ITK: variants seen among roughly 807,000 people sequenced by gnomAD.
ITK encodes the protein tyrosine-protein kinase ITK/TSK.
ITK carries 45 observed loss-of-function variants against 87.6 expected under a neutral mutation model. The ratio of observed to expected loss-of-function variants is 0.51; its 90% CI spans 0.40 to 0.66. The LOEUF (loss-of-function observed/expected upper bound fraction) is 0.66, where lower values mean the gene tolerates loss of function less well. Among genes scored for constraint, ITK ranks in the 30% least tolerant of loss-of-function variants. The pLI, the probability that ITK is intolerant of heterozygous loss-of-function variation, is 0.00. For missense variants in ITK, 605 were observed against 766.3 expected (o/e 0.79, Z 2.48); for synonymous variants, 303 against 273.6 (o/e 1.11, Z -1.06).
intron 16 of ITK, among the ~76,000 whole-genome samples, chr5:157,251,093 A>G (rs899251316): frequency 6.6e-6 from 1 of 152,222 alleles, no homozygotes; most frequent in Non-Finnish European, 1.5e-5. Flanking sequence ...TAACTTTTTA[A>G]GAAACTGCCA....
At chr5:157,251,295 A>G (rs1410504871) in intron 16 of ITK, among the ~76,000 whole-genome samples, 1 of 152,168 alleles carries the variant, frequency 6.6e-6, no homozygotes, top group Non-Finnish European at 1.5e-5. Flanking sequence ...CCACCTGTAT[A>G]TCTTCTTGGT....
intron 1 of ITK, among the ~76,000 whole-genome samples, chr5:157,208,247 A>G (rs1012090264): frequency 2.6e-5 from 4 of 152,234 alleles, no homozygotes; most frequent in Non-Finnish European, 4.4e-5. Flanking sequence ...TATAAATCAC[A>G]AATACCATCA....
intron 1 of ITK, among the ~76,000 whole-genome samples, chr5:157,193,624 A>G (rs1228385039): frequency 6.6e-6 from 1 of 152,208 alleles, no homozygotes. Flanking sequence ...AAGTATCTCT[A>G]TCTAGGTTAC....
At chr5:157,211,988 G>T (rs1437494686) in intron 3 of ITK, among the ~76,000 whole-genome samples, 4 of 152,156 alleles carry the variant, frequency 2.6e-5, no homozygotes, top group Admixed American at 6.5e-5. Context: ...ATTGGTAAGG[G>T]TATTTCTTAA....
chr5:157,243,112 C>T (rs1156652523), intron 11 of ITK, among the ~76,000 whole-genome samples: 2 of 152,204 alleles, frequency 1.3e-5, no homozygotes, highest in African/African-American at 2.4e-5. Flanking sequence ...CTCGGAATCT[C>T]GTATTTGTTT....
At chr5:157,187,664 TG>T (rs1469290795) in intron 1 of ITK, among the ~76,000 whole-genome samples, 2 of 152,166 alleles carry the variant, frequency 1.3e-5, no homozygotes, top group Admixed American at 6.5e-5. Flanking sequence ...GAAAGGCACA[TG>T]TAGGAACTAG....
intron 11 of ITK, among the ~76,000 whole-genome samples, chr5:157,242,848 CT>C (rs1325726193): frequency 6.6e-6 from 1 of 152,232 alleles, no homozygotes; most frequent in Non-Finnish European, 1.5e-5. Context: ...GCATGGGCTT[CT>C]TTATCCCTAA....
intron 5 of ITK, 24 bp downstream of exon 5, chr5:157,217,931 G>A (rs373156743): frequency 4.4e-6 from 7 of 1,607,708 alleles, no homozygotes; most frequent in Non-Finnish European, 5.1e-6. Flanking sequence ...CTAGCTCCGG[G>A]TGCAGGTGGG....
At chr5:157,194,884 G>A (rs779198607) in intron 1 of ITK, among the ~76,000 whole-genome samples, 2 of 152,184 alleles carry the variant, frequency 1.3e-5, no homozygotes, top group Non-Finnish European at 2.9e-5. Flanking sequence ...AGCTAAGTTG[G>A]AAACTGAAGC....
At chr5:157,251,902 C>T (rs1431594638) in intron 16 of ITK, among the ~76,000 whole-genome samples, 4 of 152,176 alleles carry the variant, frequency 2.6e-5, no homozygotes, top group Non-Finnish European at 5.9e-5. Flanking sequence ...TAGAGTAAGT[C>T]CTAAAGTCAG....
intron 13 of ITK, 124 bp downstream of exon 13, chr5:157,244,602 C>A (rs1754984877): frequency 2.8e-6 from 2 of 720,428 alleles, no homozygotes; most frequent in African/African-American, 3.5e-5. Context: ...TCAACTTCTC[C>A]CTTCCTTCAC....
chr5:157,187,386 A>G (rs1031751461), intron 1 of ITK, among the ~76,000 whole-genome samples: 28 of 152,340 alleles, frequency 1.8e-4, no homozygotes, highest in Admixed American at 1.6e-3. Context: ...GAATAAAAGG[A>G]GAAAGGGAGA....
chr5:157,198,375 C>T (rs571265012), intron 1 of ITK, among the ~76,000 whole-genome samples: 1 of 152,124 alleles, frequency 6.6e-6, no homozygotes, highest in African/African-American at 2.4e-5. Context: ...CAGGGTGTTA[C>T]TATTTTCAAA....
intron 1 of ITK, among the ~76,000 whole-genome samples, chr5:157,192,499 G>T (rs1753772050): frequency 6.6e-6 from 1 of 152,218 alleles, no homozygotes; most frequent in Non-Finnish European, 1.5e-5. Context: ...AGGAACAACA[G>T]GGCAGCCTAA....
At chr5:157,247,365 C>T (rs1387740359) in intron 15 of ITK, among the ~76,000 whole-genome samples, 1 of 152,110 alleles carries the variant, frequency 6.6e-6, no homozygotes, top group East Asian at 1.9e-4. Context: ...TGGATGACTC[C>T]CCTCTCCCCA....
rs1418473213 is a variant in ITK at position 157,180,854 on chromosome 5, G to T, written c.-124G>T. ...GATAGAAAGATAACGTTGAAGGCAA[G>T]TTGCCCTTGAGCAGCTCTCTGAAGA... is the stretch of plus-strand genomic sequence containing the variant. On this transcript the variant is annotated 5_prime_UTR_variant, in exon 1 of 17. Coordinates refer to ENST00000422843, the MANE Select transcript of ITK (RefSeq NM_005546.4). 1.1e-6 allele frequency: 1 copy of T among 872,658 alleles called. No homozygotes were observed. The highest frequency in any genetic ancestry group is 1.7e-5 in the African/African-American group (1 of 59,926). The allele number at this position is 872,658 out of a possible 1,614,324, so 54.1% of individuals were successfully genotyped here. A position where few individuals can be genotyped will look rare whatever the true frequency, so the allele number is the denominator to read the frequency against.
intron 4 of ITK, among the ~76,000 whole-genome samples, chr5:157,217,234 G>A (rs1754317745): frequency 6.6e-6 from 1 of 152,186 alleles, no homozygotes; most frequent in South Asian, 2.1e-4. Context: ...AAGGAGGAAA[G>A]AGGGAAGAGA....
chr5:157,236,930 A>G (rs1292074265), intron 8 of ITK, among the ~76,000 whole-genome samples: 1 of 152,178 alleles, frequency 6.6e-6, no homozygotes, highest in Admixed American at 6.5e-5. Context: ...TAAGAAATAT[A>G]TTATCATTAA....
rs753127825 is a variant in ITK, at chr5:157,240,192, G to C, written c.982G>C (p.Gly328Arg). Residue 328 changes from glycine (G) to arginine (R), a missense_variant, in exon 10 of 17, where the codon GGA becomes CGA. This residue lies in a region of ITK where 464 missense variants were observed against 578.0 expected (regional missense o/e 0.80). Transcript: ENST00000422843. ...CATCAACTATCACCAACATAATGGA[G>C]GAGGTAAGCTCTAGAGCAGGGGTGG... Reference protein sequence around the residue: ...LLINYHQHNGGGLVTRLRYPV... With the variant: ...LLINYHQHNGRGLVTRLRYPV... 1 of 1,614,154 alleles carries C rather than the reference G, an allele frequency of 6.2e-7. No homozygotes were observed. The highest frequency in any genetic ancestry group is 8.5e-7 in the Non-Finnish European group (1 of 1,179,998).
Sources: allele counts gnomAD v4.1 joint callset (sites outside exome capture counted in the v4.1 genomes callset), GRCh38; gene constraint gnomAD v4.1.1; regional missense constraint gnomAD v4.1.1; transcripts MANE v1.5; gene names NCBI Gene and HGNC (gene_info 2026-07-23, HGNC 2026-07-21).